Variants in ZNF609 observed in about 807,000 individuals in gnomAD.
The protein encoded by ZNF609 is zinc finger protein 609.
In ZNF609, 11 loss-of-function variants were observed where a neutral mutation model predicts 109.5. That is an observed-to-expected ratio of 0.10 (90% confidence interval 0.06 to 0.17). The LOEUF (loss-of-function observed/expected upper bound fraction) is 0.17. Among genes scored for constraint, ZNF609 ranks in the 10% least tolerant of loss-of-function variants. The probability of loss-of-function intolerance (pLI) is 1.00; values close to 1 mark genes in which losing one functional copy is unlikely to be tolerated. For missense variants in ZNF609, 1,559 were observed against 1,772.4 expected, an observed-to-expected ratio of 0.88 and a Z score of 2.16; for synonymous variants, 646 against 662.0, an observed-to-expected ratio of 0.98 and a Z score of 0.37.
chr15:64,675,084 C>T lies in ZNF609; in HGVS notation c.2230C>T (p.Pro744Ser), dbSNP rs762321625. Reference protein sequence around the residue: ...KKESSKELESPLTPGKVCRAE... With the variant: ...KKESSKELESSLTPGKVCRAE... Reference sequence around the variant, plus strand: ...GGAATCTTCAAAGGAACTTGAAAGTCCTCTGACCCCTGGGAAGGTGTGTCG... The same window carrying T: ...GGAATCTTCAAAGGAACTTGAAAGTTCTCTGACCCCTGGGAAGGTGTGTCG... The change falls in exon 5 of 10, where the codon CCT (proline) becomes TCT (serine). Residue 744 changes from proline to serine, a missense_variant. Physicochemically the swap from Pro to Ser is moderately conservative, Grantham distance 74. Transcript: ENST00000326648. 1.9e-5 allele frequency: 30 copies of T among 1,614,054 alleles called. No individual in the cohort carries two copies. The highest frequency in any genetic ancestry group is 2.5e-5 in the Non-Finnish European group (29 of 1,180,036).
chr15:64,532,906 G>A (rs1894081774), intron 2 of ZNF609, among the ~76,000 whole-genome samples: 1 of 152,078 alleles, frequency 6.6e-6, no homozygotes, highest in African/African-American at 2.4e-5. Context: ...CTTATTTTAG[G>A]TACGGTACTC....
rs1247489276 is a variant in ZNF609 at position 64,499,494 on chromosome 15, T to C, written c.75T>C (p.Asp25=). The C allele has an allele frequency of 1.9e-6, 3 of 1,613,854 alleles. No homozygotes were observed. The highest frequency in any genetic ancestry group is 2.7e-5 in the African/African-American group (2 of 74,822). The part of the protein sequence containing the change: ...ANPVETYDSG[D]EWDIGVGNLI... The stretch of plus-strand genomic sequence containing the variant: ...CGGTTGAGACATACGACAGTGGGGA[T>C]GAATGGGACATTGGAGTAGGGAATC... Residue 25 remains aspartate, a synonymous_variant, in exon 2 of 10, where the codon GAT becomes GAC. Coordinates refer to ENST00000326648, the MANE Select transcript of ZNF609 (RefSeq NM_015042.2).
chr15:64,558,032 A>G lies in ZNF609; in HGVS notation c.747+57866A>G, dbSNP rs535638122. Among the ~76,000 whole-genome samples the G allele has an allele frequency of 5.8e-4, 88 of 152,290 alleles. 1 individual carries two copies. The highest frequency in any genetic ancestry group is 2.1e-3 in the African/African-American group (86 of 41,548). ...ATACCAGGAAATCACTTTATAGTCT[A>G]TTGGTGTATATCATACATAGACTAT... On this transcript the variant is annotated intron_variant, in intron 2 of 9. Coordinates refer to ENST00000326648, the MANE Select transcript of ZNF609 (RefSeq NM_015042.2).
At chr15:64,666,621 C>T (rs1896652777) in intron 3 of ZNF609, among the ~76,000 whole-genome samples, 1 of 151,866 alleles carries the variant, frequency 6.6e-6, no homozygotes, top group South Asian at 2.1e-4. Context: ...AAGCAGTTCT[C>T]TTGCCACAGC....
chr15:64,670,007 C>T (rs1896703435), intron 3 of ZNF609, among the ~76,000 whole-genome samples: 1 of 152,166 alleles, frequency 6.6e-6, no homozygotes, highest in South Asian at 2.1e-4. Flanking sequence ...TGGTGACATG[C>T]TCTTGTGATC....
intron 2 of ZNF609, among the ~76,000 whole-genome samples, chr15:64,577,581 GT>G: frequency 9.3e-5 from 1 of 10,698 alleles, no homozygotes; most frequent in East Asian, 0.011. Context: ...ACATATATAT[GT>G]GTATATATAC....
At chr15:64,611,023 G>A (rs1418119166) in intron 2 of ZNF609, among the ~76,000 whole-genome samples, 1 of 152,024 alleles carries the variant, frequency 6.6e-6, no homozygotes, top group African/African-American at 2.4e-5. Flanking sequence ...TTGCTTACTT[G>A]TTTTTATATT....
At chr15:64,572,972 G>A (rs937088951) in intron 2 of ZNF609, among the ~76,000 whole-genome samples, 21 of 152,266 alleles carry the variant, frequency 1.4e-4, no homozygotes, top group African/African-American at 4.6e-4. Context: ...CACGTAGTTC[G>A]GCTAGAAAAG....
chr15:64,465,711 A>G (rs1446547649), intron 1 of ZNF609, among the ~76,000 whole-genome samples: 2 of 151,816 alleles, frequency 1.3e-5, no homozygotes, highest in Non-Finnish European at 2.9e-5. Flanking sequence ...AGTTTCTCCC[A>G]GCACCTTTGT....
intron 3 of ZNF609, among the ~76,000 whole-genome samples, chr15:64,656,414 A>G (rs1029400475): frequency 6.6e-6 from 1 of 152,268 alleles, no homozygotes; most frequent in Admixed American, 6.5e-5. Context: ...ATCAGTAACA[A>G]TTAACAAATA....
At chr15:64,578,009 AAAAAT>A (rs1365819598) in intron 2 of ZNF609, among the ~76,000 whole-genome samples, 3 of 151,948 alleles carry the variant, frequency 2.0e-5, no homozygotes, top group African/African-American at 7.3e-5. Context: ...AGAAAACAGA[AAAAAT>A]AAAATATAGA....
chr15:64,468,940 C>T (rs543342598), intron 1 of ZNF609, among the ~76,000 whole-genome samples: 87 of 149,806 alleles, frequency 5.8e-4, no homozygotes, highest in African/African-American at 2.1e-3. Context: ...GTCAGGTTGA[C>T]ACTTGTAGTC....
intron 3 of ZNF609, among the ~76,000 whole-genome samples, chr15:64,664,435 A>T (rs1042733488): frequency 6.6e-5 from 10 of 152,190 alleles, no homozygotes; most frequent in East Asian, 5.8e-4. Context: ...ACTATTTATT[A>T]CTGCTGTTTT....
In ZNF609 at chr15:64,685,441, T is replaced by A. The variant is rs1311127592; in HGVS notation, c.*3755T>A. 1 of 152,914 alleles carries A rather than the reference T, an allele frequency of 6.5e-6. No homozygotes were observed. The highest frequency in any genetic ancestry group is 2.4e-5 in the African/African-American group (1 of 41,444). 9.5% of individuals were successfully genotyped at this position (152,914 alleles called of 1,614,324 possible). A position where few individuals can be genotyped will look rare whatever the true frequency, so the allele number is the denominator to read the frequency against. The stretch of plus-strand genomic sequence containing the variant: ...AAGCTGTTGAATCCAGTGTCCAGAC[T>A]ACCTGCCTTGTAACCCTTTTCTGCC... On this transcript the variant is annotated 3_prime_UTR_variant, in exon 10 of 10. Coordinates refer to ENST00000326648, the MANE Select transcript of ZNF609 (RefSeq NM_015042.2).
intron 2 of ZNF609, among the ~76,000 whole-genome samples, chr15:64,563,632 C>T (rs780310749): frequency 2.6e-5 from 4 of 151,060 alleles, no homozygotes; most frequent in Non-Finnish European, 5.9e-5. Context: ...AAAATTTAGC[C>T]GGGCATGGTG....
At chr15:64,478,679 A>C (rs1057228350) in intron 1 of ZNF609, among the ~76,000 whole-genome samples, 2 of 152,126 alleles carry the variant, frequency 1.3e-5, no homozygotes, top group African/African-American at 4.8e-5. Flanking sequence ...ACATGGCCAG[A>C]ATAAATGAAT....
At chr15:64,475,524 G>C (rs1893158028) in intron 1 of ZNF609, among the ~76,000 whole-genome samples, 1 of 151,550 alleles carries the variant, frequency 6.6e-6, no homozygotes, top group Non-Finnish European at 1.5e-5. Flanking sequence ...GAGTAACTGG[G>C]ATTACAGTTG....
At chr15:64,550,377 T>C (rs1169993778) in intron 2 of ZNF609, among the ~76,000 whole-genome samples, 1 of 152,138 alleles carries the variant, frequency 6.6e-6, no homozygotes, top group Non-Finnish European at 1.5e-5. Context: ...TTATATATTT[T>C]GGATATTAAT....
intron 1 of ZNF609, among the ~76,000 whole-genome samples, chr15:64,471,052 T>G (rs1433317103): frequency 1.3e-5 from 2 of 152,184 alleles, no homozygotes; most frequent in Non-Finnish European, 2.9e-5. Context: ...GTTCACTGTT[T>G]TCAGATTTGT....
Sources: allele counts gnomAD v4.1 joint callset (sites outside exome capture counted in the v4.1 genomes callset), GRCh38; gene constraint gnomAD v4.1.1; transcripts MANE v1.5; gene names NCBI Gene and HGNC (gene_info 2026-07-23, HGNC 2026-07-21).